VTA1: variants seen among roughly 807,000 people sequenced by gnomAD.
VTA1 encodes the protein vesicle trafficking 1, also known as vacuolar protein sorting-associated protein VTA1 homolog.
Under a neutral mutation model 36.9 loss-of-function variants are expected in VTA1, and 24 were observed. The observed-to-expected ratio is 0.65, with a 90% confidence interval of 0.47 to 0.91. The LOEUF is 0.91. Among genes scored for constraint, VTA1 ranks in the 40% least tolerant of loss-of-function variants. The pLI is 0.00. For missense variants in VTA1, 393 were observed against 377.2 expected (o/e 1.04, Z -0.35); for synonymous variants, 142 against 130.2 (o/e 1.09, Z -0.62).
intron 5 of VTA1, among the ~76,000 whole-genome samples, chr6:142,192,979 A>G (rs955287458): frequency 3.3e-5 from 5 of 152,162 alleles, no homozygotes; most frequent in Middle Eastern, 3.4e-3. Flanking sequence ...TTAGTGTATC[A>G]TCTGATTTCC....
Position 142,218,518 on chromosome 6 carries a change from G to T in VTA1, c.799G>T (p.Glu267Ter). 6.2e-7 allele frequency: 1 copy of T among 1,613,374 alleles called. No individual in the cohort carries two copies. Among genetic ancestry groups the T allele is most frequent in the Non-Finnish European group, 8.5e-7 (1 of 1,179,670 alleles). ...ISQGDVRLTP[E>*]DFARAQKYCK... Reference sequence around the variant, plus strand: ...TCTAGGGGATGTTCGTCTAACCCCAGAAGACTTTGCTAGAGCTCAGAAGTA... The same window carrying T: ...TCTAGGGGATGTTCGTCTAACCCCATAAGACTTTGCTAGAGCTCAGAAGTA... The change falls in exon 8 of 8, where the codon GAA becomes TAA. Residue 267 changes from glutamate to a stop codon, truncating the protein, a stop_gained. Transcript: ENST00000367630. LOFTEE classifies it high-confidence loss of function.
At chr6:142,185,745 C>G (rs1226982326) in intron 4 of VTA1, among the ~76,000 whole-genome samples, 1 of 152,222 alleles carries the variant, frequency 6.6e-6, no homozygotes, top group Non-Finnish European at 1.5e-5. Context: ...TTCTATCTAA[C>G]TGTATCATAA....
At chr6:142,182,144 A>T (rs1775254586) in intron 4 of VTA1, among the ~76,000 whole-genome samples, 1 of 152,210 alleles carries the variant, frequency 6.6e-6, no homozygotes, top group African/African-American at 2.4e-5. Context: ...TGAAAATCTT[A>T]TGAAAGCTGT....
Position 142,147,410 on chromosome 6 carries a change from C to A in VTA1, c.112+11C>A, listed in dbSNP as rs893239455. The A allele has an allele frequency of 2.5e-6, 4 of 1,611,646 alleles. No individual in the cohort carries two copies. The highest frequency in any genetic ancestry group is 1.3e-5 in the African/African-American group (1 of 74,848). On this transcript the variant is annotated intron_variant, in intron 1 of 7. Coordinates refer to ENST00000367630, the MANE Select transcript of VTA1 (RefSeq NM_016485.5). ...TGGTGGCTTATTACTGTGAGTCTTT[C>A]CGAGTGGCCGCGCCCTTTCTTTCCC...
chr6:142,194,439 G>T (rs185238733), intron 5 of VTA1, among the ~76,000 whole-genome samples: 1 of 151,970 alleles, frequency 6.6e-6, no homozygotes, highest in African/African-American at 2.4e-5. Flanking sequence ...TCTTTCAGCG[G>T]TATTTTAGAT....
chr6:142,171,181 G>A (rs1775023511), intron 4 of VTA1, among the ~76,000 whole-genome samples: 1 of 151,762 alleles, frequency 6.6e-6, no homozygotes, highest in Non-Finnish European at 1.5e-5. Flanking sequence ...TGCAACCTCC[G>A]CCTCCCAGGT....
At chr6:142,201,070 C>G (rs1775675499) in intron 6 of VTA1, among the ~76,000 whole-genome samples, 1 of 151,832 alleles carries the variant, frequency 6.6e-6, no homozygotes, top group Non-Finnish European at 1.5e-5. Flanking sequence ...TTCTATGTTC[C>G]TTCCTCTAAG....
chr6:142,149,704 A>G (rs947827243), intron 1 of VTA1, among the ~76,000 whole-genome samples: 3 of 152,188 alleles, frequency 2.0e-5, no homozygotes, highest in African/African-American at 7.2e-5. Flanking sequence ...TAATTTAAAA[A>G]TGTTATCAAT....
chr6:142,205,061 A>C (rs925760610), intron 7 of VTA1, among the ~76,000 whole-genome samples: 5 of 152,052 alleles, frequency 3.3e-5, no homozygotes, highest in African/African-American at 1.2e-4. Flanking sequence ...TTCCTCTGTT[A>C]ATGTCTGCCA....
At chr6:142,207,110 T>C (rs1434905555) in intron 7 of VTA1, among the ~76,000 whole-genome samples, 3 of 152,096 alleles carry the variant, frequency 2.0e-5, no homozygotes, top group African/African-American at 7.2e-5. Context: ...AGTATGAGGA[T>C]GAAATAGTTC....
At position 142,198,442 on chromosome 6, in the gene VTA1, T is replaced by A. The variant is rs753854014; in HGVS notation, c.524T>A (p.Ile175Asn). Reference protein sequence around the residue: ...GPVGIEEDNDIEENEDAGAAS... With the variant: ...GPVGIEEDNDNEENEDAGAAS... The stretch of plus-strand genomic sequence containing the variant: ...TTGTGTATATGTGATCTGATAGATA[T>A]TGAAGAAAATGAAGATGCTGGAGCA... The change falls in exon 6 of 8, where the codon ATT (isoleucine) becomes AAT (asparagine). Residue 175 changes from isoleucine to asparagine, a missense_variant. By Grantham distance (149) the Ile-to-Asn change is moderately radical. Coordinates refer to ENST00000367630, the MANE Select transcript of VTA1 (RefSeq NM_016485.5). 1 of 1,613,922 alleles carries A rather than the reference T, an allele frequency of 6.2e-7. No homozygotes were observed.
At chr6:142,159,445 T>C (rs2114634532) in intron 1 of VTA1, among the ~76,000 whole-genome samples, 1 of 150,754 alleles carries the variant, frequency 6.6e-6, no homozygotes, top group South Asian at 2.1e-4. Flanking sequence ...GTGTCTATAC[T>C]ATTAATCCTG....
chr6:142,191,395 C>CT (rs1467335266), intron 5 of VTA1, among the ~76,000 whole-genome samples: 4 of 152,174 alleles, frequency 2.6e-5, no homozygotes, highest in Admixed American at 2.0e-4. Context: ...TCTTAAAACT[C>CT]TTTAACATTT....
At chr6:142,194,986 A>G (rs901246388) in intron 5 of VTA1, among the ~76,000 whole-genome samples, 2 of 152,046 alleles carry the variant, frequency 1.3e-5, no homozygotes, top group Non-Finnish European at 2.9e-5. Flanking sequence ...CTCATTGGTA[A>G]ACTTAGTCAT....
chr6:142,190,038 T>C (rs1313219145), intron 5 of VTA1, among the ~76,000 whole-genome samples: 1 of 152,188 alleles, frequency 6.6e-6, no homozygotes, highest in East Asian at 1.9e-4. Flanking sequence ...ATTACAGGCG[T>C]GAGCCACCGT....
At chr6:142,185,378 GT>G (rs1319112136) in intron 4 of VTA1, among the ~76,000 whole-genome samples, 42 of 149,554 alleles carry the variant, frequency 2.8e-4, no homozygotes, top group Non-Finnish European at 6.0e-4. Context: ...GTATGTTGAG[GT>G]TAACTATACA....
At chr6:142,212,546 G>A (rs1230757398) in intron 7 of VTA1, among the ~76,000 whole-genome samples, 1 of 152,160 alleles carries the variant, frequency 6.6e-6, no homozygotes, top group African/African-American at 2.4e-5. Flanking sequence ...TCACAGAGAA[G>A]TTTTAGGGCA....
At chr6:142,163,477 A>G (rs879519710) in intron 1 of VTA1, among the ~76,000 whole-genome samples, 1 of 152,202 alleles carries the variant, frequency 6.6e-6, no homozygotes, top group Non-Finnish European at 1.5e-5. Context: ...TAGGTATGTT[A>G]CAACTCCTTA....
chr6:142,166,254 A>G lies in VTA1; in HGVS notation c.139A>G (p.Met47Val), dbSNP rs1774912547. 7.4e-6 allele frequency: 12 copies of G among 1,612,094 alleles called. No homozygotes were observed. Among genetic ancestry groups the G allele is most frequent in the African/African-American group, 1.3e-5 (1 of 74,900 alleles). Reference protein sequence around the residue: ...YCRLYAMQTGMKIDSKTPECR... With the variant: ...YCRLYAMQTGVKIDSKTPECR... ...TCGTTTATACGCAATGCAGACTGGAATGAAGATCGATAGTAAAACTCCTGA... is the reference window on the plus strand; with the variant it reads ...TCGTTTATACGCAATGCAGACTGGAGTGAAGATCGATAGTAAAACTCCTGA... The change falls in exon 2 of 8, where the codon ATG becomes GTG. Residue 47 changes from methionine (M) to valine (V), a missense_variant. Physicochemically the swap from Met to Val is conservative, Grantham distance 21. Transcript: ENST00000367630.
Sources: allele counts gnomAD v4.1 joint callset (sites outside exome capture counted in the v4.1 genomes callset), GRCh38; gene constraint gnomAD v4.1.1; transcripts MANE v1.5; gene names NCBI Gene and HGNC (gene_info 2026-07-23, HGNC 2026-07-21).